Variants in CDC14A observed in about 807,000 individuals in gnomAD.
CDC14A encodes cell division cycle 14A.
In CDC14A, 53 loss-of-function variants were observed where a neutral mutation model predicts 74.4. The observed-to-expected ratio is 0.71, with a 90% CI of 0.57 to 0.89. The LOEUF (loss-of-function observed/expected upper bound fraction) is 0.89. CDC14A is among the 40% of genes least tolerant of loss of function. CDC14A has a pLI of 0.00. For synonymous variants in CDC14A, 247 were observed against 258.4 expected (o/e 0.96, Z 0.43); for missense variants, 646 against 713.7 (o/e 0.91, Z 1.08).
At chr1:100,448,041 T>G (rs1665747214) in intron 7 of CDC14A, among the ~76,000 whole-genome samples, 1 of 152,192 alleles carries the variant, frequency 6.6e-6, no homozygotes, top group African/African-American at 2.4e-5. Flanking sequence ...AGTGTCCTGT[T>G]CTTAGTTGGG....
intron 7 of CDC14A, among the ~76,000 whole-genome samples, chr1:100,449,633 A>G (rs1369192776): frequency 1.3e-5 from 2 of 151,980 alleles, no homozygotes; most frequent in Non-Finnish European, 2.9e-5. Flanking sequence ...AGCTCTTCTC[A>G]TGTAGCCTTG....
rs368976542 is a variant in CDC14A at position 100,459,657 on chromosome 1, T to C, written c.608-2994T>C. ...GACTCTGATACCGTGTTCATGTGTT[T>C]GGTCAGCTTAACTCCAGGACTTTGT... On this transcript the variant is annotated intron_variant, in intron 8 of 15. Transcript: ENST00000336454. 7.9e-4 allele frequency among the ~76,000 whole-genome samples: 121 copies of C among 152,318 alleles called. 2 individuals carry two copies. In the South Asian group the frequency reaches 0.024, roughly 30 times the overall value.
Position 100,508,010 on chromosome 1 carries a change from CA to C in CDC14A, c.1755+8750del, listed in dbSNP as rs1185955520. Among the ~76,000 whole-genome samples, 3 of 152,166 alleles carry C rather than the reference CA, an allele frequency of 2.0e-5. No homozygotes were observed. The highest frequency in any genetic ancestry group is 4.4e-5 in the Non-Finnish European group (3 of 68,024). ...CCCCCAAACTTATATTGGAGACTTT[CA>C]ATCTGTCCTCAATATATCTTACCTT... On this transcript the variant is annotated intron_variant, in intron 15 of 15. Coordinates refer to ENST00000336454, the MANE Select transcript of CDC14A (RefSeq NM_003672.4). This position sits in a 1 kb window ranked among gnomAD's most constrained non-coding sequence, Gnocchi z 4.4.
intron 2 of CDC14A, among the ~76,000 whole-genome samples, chr1:100,370,917 A>G (rs1242863220): frequency 6.6e-6 from 1 of 152,110 alleles, no homozygotes; most frequent in Non-Finnish European, 1.5e-5. Context: ...GATTTTATCC[A>G]TATTGTTTCT....
chr1:100,472,637 T>C (rs1668500765), intron 10 of CDC14A, among the ~76,000 whole-genome samples: 2 of 152,054 alleles, frequency 1.3e-5, no homozygotes, highest in Non-Finnish European at 2.9e-5. Flanking sequence ...GACTCTTAGT[T>C]TAGCCCTAGA....
chr1:100,502,617 A>T (rs368111917), intron 15 of CDC14A, among the ~76,000 whole-genome samples: 72 of 152,360 alleles, frequency 4.7e-4, no homozygotes, highest in African/African-American at 1.7e-3. Context: ...TTACATACGT[A>T]AAGGTATTGT....
intron 9 of CDC14A, among the ~76,000 whole-genome samples, chr1:100,464,535 G>A (rs958832994): frequency 6.6e-6 from 1 of 152,172 alleles, no homozygotes; most frequent in Non-Finnish European, 1.5e-5. Flanking sequence ...TAATGGGAAC[G>A]TTTATATCAA....
intron 2 of CDC14A, among the ~76,000 whole-genome samples, chr1:100,361,510 C>T (rs1256787562): frequency 6.6e-6 from 1 of 152,094 alleles, no homozygotes; most frequent in Non-Finnish European, 1.5e-5. Flanking sequence ...TTTTTGCTCA[C>T]CATTATGTCC....
intron 1 of CDC14A, among the ~76,000 whole-genome samples, chr1:100,346,413 C>T (rs1650432784): frequency 6.6e-6 from 1 of 152,028 alleles, no homozygotes; most frequent in South Asian, 2.1e-4. Context: ...GAGAAACTGG[C>T]TCTAGCCCAG....
intron 2 of CDC14A, among the ~76,000 whole-genome samples, chr1:100,354,675 T>G (rs1249046646): frequency 6.6e-6 from 1 of 152,260 alleles, no homozygotes; most frequent in African/African-American, 2.4e-5. Context: ...GACTTGGTTA[T>G]GTACTTTTAT....
chr1:100,362,121 G>T (rs969444202), intron 2 of CDC14A, among the ~76,000 whole-genome samples: 1 of 152,166 alleles, frequency 6.6e-6, no homozygotes, highest in Admixed American at 6.5e-5. Flanking sequence ...GAGATAGGAA[G>T]TAAAAAGGGG....
chr1:100,465,952 A>T (rs1667759802), intron 9 of CDC14A, among the ~76,000 whole-genome samples: 1 of 152,226 alleles, frequency 6.6e-6, no homozygotes. Flanking sequence ...ATGCTTAAAA[A>T]ATTTTGTTAA....
intron 6 of CDC14A, among the ~76,000 whole-genome samples, chr1:100,440,687 A>T (rs1009980374): frequency 1.3e-5 from 2 of 152,218 alleles, no homozygotes; most frequent in Non-Finnish European, 2.9e-5. Flanking sequence ...CCTATTGATC[A>T]TAGGACATAT....
At chr1:100,431,694 A>C (rs1291034620) in intron 5 of CDC14A, among the ~76,000 whole-genome samples, 1 of 152,022 alleles carries the variant, frequency 6.6e-6, no homozygotes, top group Non-Finnish European at 1.5e-5. Flanking sequence ...AAAAATAAAA[A>C]TAAAAATTAG....
chr1:100,492,079 T>A (rs1169923882), intron 11 of CDC14A, among the ~76,000 whole-genome samples: 4 of 152,120 alleles, frequency 2.6e-5, no homozygotes, highest in Non-Finnish European at 5.9e-5. Flanking sequence ...TATTGTAGTA[T>A]TTTTGTTCTT....
chr1:100,380,318 T>G (rs898395176), intron 3 of CDC14A, among the ~76,000 whole-genome samples: 2 of 152,214 alleles, frequency 1.3e-5, no homozygotes, highest in African/African-American at 4.8e-5. Flanking sequence ...CTAGATTTCA[T>G]GGCTCTTGAC....
chr1:100,366,583 G>A (rs774572180), intron 2 of CDC14A, among the ~76,000 whole-genome samples: 2 of 152,174 alleles, frequency 1.3e-5, no homozygotes, highest in African/African-American at 2.4e-5. Flanking sequence ...CTTCAAATTT[G>A]TAGGACCTGC....
At chr1:100,500,439 A>T (rs1341016590) in intron 15 of CDC14A, among the ~76,000 whole-genome samples, 1 of 152,120 alleles carries the variant, frequency 6.6e-6, no homozygotes, top group Non-Finnish European at 1.5e-5. Context: ...AATGATATCT[A>T]CTTTCTTTAG....
At chr1:100,365,484 T>C (rs1416717140) in intron 2 of CDC14A, among the ~76,000 whole-genome samples, 1 of 152,218 alleles carries the variant, frequency 6.6e-6, no homozygotes, top group African/African-American at 2.4e-5. Flanking sequence ...GAAAGAACTT[T>C]AGGAGCCATC....
Sources: gnomAD v4.1 joint callset for allele counts (sites outside exome capture counted in the v4.1 genomes callset) on GRCh38, gnomAD v4.1.1 for gene constraint, Gnocchi (gnomAD v3.1) non-coding constraint, MANE v1.5 for transcripts, NCBI Gene and HGNC (gene_info 2026-07-23, HGNC 2026-07-21) for gene names.